Variants in TBC1D22A observed in about 807,000 individuals in gnomAD.
TBC1D22A encodes the protein TBC1 domain family member 22A.
TBC1D22A carries 38 observed loss-of-function variants against 60.2 expected under a neutral mutation model. The ratio of observed to expected loss-of-function variants is 0.63; its 90% CI spans 0.49 to 0.83. TBC1D22A has a LOEUF of 0.83. TBC1D22A is among the 40% of genes least tolerant of loss of function. TBC1D22A has a pLI of 0.00. For synonymous variants in TBC1D22A, 302 were observed against 281.7 expected (o/e 1.07, Z -0.72); for missense variants, 628 against 701.0 (o/e 0.90, Z 1.18).
At chr22:46,870,314 C>G (rs1490771680) in intron 4 of TBC1D22A, among the ~76,000 whole-genome samples, 1 of 152,144 alleles carries the variant, frequency 6.6e-6, no homozygotes, top group African/African-American at 2.4e-5. Flanking sequence ...TTGGTAATTT[C>G]CTATTGAGAA....
chr22:47,032,694 A>G (rs912234611), intron 10 of TBC1D22A, among the ~76,000 whole-genome samples: 7 of 152,216 alleles, frequency 4.6e-5, no homozygotes, highest in African/African-American at 1.7e-4. Flanking sequence ...AGCAGCGGCC[A>G]GACAGGGATG....
intron 9 of TBC1D22A, 93 bp downstream of exon 9, chr22:46,974,492 G>A (rs2074212647): frequency 1.9e-6 from 2 of 1,033,402 alleles, no homozygotes; most frequent in African/African-American, 1.6e-5. Context: ...GTCTCAGTGT[G>A]GCCATGCAGT....
intron 8 of TBC1D22A, among the ~76,000 whole-genome samples, chr22:46,969,309 C>A (rs1417086001): frequency 6.6e-6 from 1 of 152,150 alleles, no homozygotes; most frequent in Non-Finnish European, 1.5e-5. Flanking sequence ...TTTCCCGCCC[C>A]ACTCCCCCCA....
intron 11 of TBC1D22A, among the ~76,000 whole-genome samples, chr22:47,088,836 C>A (rs1419143950): frequency 1.3e-5 from 2 of 152,226 alleles, no homozygotes; most frequent in Non-Finnish European, 2.9e-5. Flanking sequence ...ACATTTCACA[C>A]CTTCTGATGC....
intron 5 of TBC1D22A, among the ~76,000 whole-genome samples, chr22:46,888,660 C>T (rs565799092): frequency 3.9e-5 from 6 of 152,306 alleles, no homozygotes; most frequent in Admixed American, 3.9e-4. Context: ...ATGAGAAAGA[C>T]ATGGCCAGGC....
chr22:47,030,086 G>C (rs1403568114), intron 10 of TBC1D22A, among the ~76,000 whole-genome samples: 1 of 152,230 alleles, frequency 6.6e-6, no homozygotes, highest in African/African-American at 2.4e-5. Flanking sequence ...CTCTTGGTGC[G>C]GAGGGGCCCT....
intron 7 of TBC1D22A, among the ~76,000 whole-genome samples, chr22:46,900,480 T>C (rs6007992): frequency 0.13 from 20,107 of 152,058 alleles, 3,203 homozygotes; most frequent in African/African-American, 0.38. Context: ...GTGTACCAGC[T>C]CCCTAATATG....
intron 10 of TBC1D22A, among the ~76,000 whole-genome samples, chr22:47,001,052 C>G (rs545432985): frequency 6.6e-6 from 1 of 151,996 alleles, no homozygotes; most frequent in African/African-American, 2.4e-5. Context: ...TGCATCCAAC[C>G]CGATTAGTCA....
chr22:46,876,360 A>G (rs566692628), intron 4 of TBC1D22A, among the ~76,000 whole-genome samples: 3 of 152,376 alleles, frequency 2.0e-5, no homozygotes, highest in African/African-American at 7.2e-5. Context: ...ACAAAGACAC[A>G]TGTGCATACA....
chr22:47,161,477 A>G (rs1166959933), intron 12 of TBC1D22A, among the ~76,000 whole-genome samples: 1 of 152,212 alleles, frequency 6.6e-6, no homozygotes, highest in African/African-American at 2.4e-5. Flanking sequence ...ATTTCGTTAC[A>G]TGGATAGACC....
chr22:47,077,338 G>A (rs1487179846), intron 11 of TBC1D22A, among the ~76,000 whole-genome samples: 1 of 152,156 alleles, frequency 6.6e-6, no homozygotes, highest in African/African-American at 2.4e-5. Flanking sequence ...GTCTTCACCA[G>A]TATGTGAGTT....
At chr22:46,963,637 A>G (rs113055905) in intron 8 of TBC1D22A, among the ~76,000 whole-genome samples, 30 of 152,334 alleles carry the variant, frequency 2.0e-4, no homozygotes, top group African/African-American at 6.5e-4. Flanking sequence ...TCAATGGTGC[A>G]CAGGGCAATT....
intron 11 of TBC1D22A, among the ~76,000 whole-genome samples, chr22:47,098,619 C>A (rs2065280287): frequency 6.6e-6 from 1 of 152,218 alleles, no homozygotes; most frequent in Non-Finnish European, 1.5e-5. Flanking sequence ...TCCCCGACTC[C>A]ATGCACCAGG....
intron 12 of TBC1D22A, among the ~76,000 whole-genome samples, chr22:47,147,217 G>A (rs2067315650): frequency 1.3e-5 from 2 of 152,216 alleles, no homozygotes; most frequent in Non-Finnish European, 2.9e-5. Flanking sequence ...GAGGGCTAAG[G>A]AGCAATACTA....
intron 7 of TBC1D22A, among the ~76,000 whole-genome samples, chr22:46,903,719 G>A (rs371730090): frequency 1.0e-3 from 156 of 152,294 alleles, no homozygotes; most frequent in African/African-American, 3.5e-3. Flanking sequence ...CGGCTGGGCC[G>A]CTGCTGTGAG....
At chr22:46,849,960 T>C (rs755411040) in intron 4 of TBC1D22A, among the ~76,000 whole-genome samples, 1 of 152,220 alleles carries the variant, frequency 6.6e-6, no homozygotes, top group Non-Finnish European at 1.5e-5. Flanking sequence ...CTGGTGATGA[T>C]ATTTTAGTTT....
chr22:46,867,446 A>T (rs550024195), intron 4 of TBC1D22A, among the ~76,000 whole-genome samples: 1 of 152,332 alleles, frequency 6.6e-6, no homozygotes, highest in East Asian at 1.9e-4. Flanking sequence ...TTACATATGT[A>T]AAAAATATAC....
intron 10 of TBC1D22A, among the ~76,000 whole-genome samples, chr22:47,029,910 C>G (rs769376158): frequency 1.2e-4 from 18 of 152,190 alleles, no homozygotes; most frequent in African/African-American, 2.2e-4. Flanking sequence ...CGTCCTGGGT[C>G]TCAACCCTTC....
At chr22:46,765,424 A>G (rs1010455699) in intron 1 of TBC1D22A, among the ~76,000 whole-genome samples, 65 of 152,082 alleles carry the variant, frequency 4.3e-4, no homozygotes, top group African/African-American at 1.6e-3. Context: ...AGCTCTTTCA[A>G]TTGTTTCCCA....
Sources: allele counts gnomAD v4.1 joint callset (sites outside exome capture counted in the v4.1 genomes callset), GRCh38; gene constraint gnomAD v4.1.1; transcripts MANE v1.5; gene names NCBI Gene and HGNC (gene_info 2026-07-23, HGNC 2026-07-21).